The following PIAS4 variants were observed in gnomAD, a reference collection of about 807,000 sequenced individuals.
PIAS4 encodes E3 SUMO-protein ligase PIAS4.
In PIAS4, 7 loss-of-function variants were observed where a neutral mutation model predicts 58.0. The observed-to-expected ratio is 0.12, with a 90% CI of 0.07 to 0.23. PIAS4 has a LOEUF of 0.23. Among genes scored for constraint, PIAS4 ranks in the 10% least tolerant of loss-of-function variants. The probability of loss-of-function intolerance (pLI) is 1.00; values close to 1 mark genes in which losing one functional copy is unlikely to be tolerated. For synonymous variants in PIAS4, 364 were observed against 312.4 expected, an observed-to-expected ratio of 1.17 and a Z score of -1.74; for missense variants, 550 against 709.5, an observed-to-expected ratio of 0.78 and a Z score of 2.55.
intron 2 of PIAS4, among the ~76,000 whole-genome samples, chr19:4,021,182 T>G (rs1025983023): frequency 6.6e-6 from 1 of 152,166 alleles, no homozygotes; most frequent in Non-Finnish European, 1.5e-5. Context: ...ATACAGAGCC[T>G]CACTCTGTCA....
At chr19:4,033,792 T>C (rs1272955952) in intron 9 of PIAS4, among the ~76,000 whole-genome samples, 1 of 152,068 alleles carries the variant, frequency 6.6e-6, no homozygotes, top group Non-Finnish European at 1.5e-5. Context: ...GACAGCCACG[T>C]AGCTTAGGTT....
chr19:4,033,739 G>C (rs2040248176), intron 9 of PIAS4, among the ~76,000 whole-genome samples, 159 bp downstream of exon 9: 1 of 152,172 alleles, frequency 6.6e-6, no homozygotes. Context: ...AAAAGAGCCG[G>C]TTTCTTTCTC....
At chr19:4,035,211 G>A (rs1332614161) in intron 9 of PIAS4, among the ~76,000 whole-genome samples, 1 of 152,096 alleles carries the variant, frequency 6.6e-6, no homozygotes, top group Non-Finnish European at 1.5e-5. Context: ...GGCCCAGAGT[G>A]GGACGAGGGC....
At position 4,013,203 on chromosome 19, in the gene PIAS4, G is replaced by T; in HGVS notation, c.308G>T (p.Gly103Val). ...AGAVPRTPLA[G>V]PNIDYPVLYG... ...GCTGTGCCCAGGACTCCGCTGGCAGGCCCCAATATTGACTACCCCGTGCTC... is the reference window on the plus strand; with the variant it reads ...GCTGTGCCCAGGACTCCGCTGGCAGTCCCCAATATTGACTACCCCGTGCTC... The change falls in exon 2 of 11, where the codon GGC (glycine) becomes GTC (valine). Residue 103 changes from glycine (G) to valine (V), a missense_variant. Gly to Val is a moderately radical substitution (Grantham distance 109). This residue lies in a region of PIAS4 where 95 missense variants were observed against 87.5 expected (regional missense o/e 1.09). Coordinates refer to ENST00000262971, the MANE Select transcript of PIAS4 (RefSeq NM_015897.4). This position sits in a 1 kb window ranked among gnomAD's most constrained non-coding sequence, Gnocchi z 5.1. 1 of 1,613,568 alleles carries T rather than the reference G, an allele frequency of 6.2e-7. No homozygotes were observed. The highest frequency in any genetic ancestry group is 8.5e-7 in the Non-Finnish European group (1 of 1,180,028).
chr19:4,011,200 C>T (rs1317441141), intron 1 of PIAS4, among the ~76,000 whole-genome samples: 2 of 152,204 alleles, frequency 1.3e-5, no homozygotes, highest in African/African-American at 4.8e-5. Flanking sequence ...TTGGTTTCTT[C>T]GGGTACCCGC....
chr19:4,010,087 C>CCTGGCA (rs2039978310), intron 1 of PIAS4, among the ~76,000 whole-genome samples: 2 of 152,218 alleles, frequency 1.3e-5, no homozygotes, highest in South Asian at 4.1e-4. Context: ...GCTGCCGGGG[C>CCTGGCA]CTGGCACTGT....
intron 9 of PIAS4, among the ~76,000 whole-genome samples, chr19:4,036,068 CTGT>C (rs2040278294): frequency 1.4e-5 from 2 of 141,514 alleles, no homozygotes. Context: ...ACAGTCCACA[CTGT>C]CACACATCCG....
rs747145511 is a variant in PIAS4 at position 4,037,623 on chromosome 19, G to T, written c.1281G>T (p.Ser427=). 2.2e-5 allele frequency: 36 copies of T among 1,610,300 alleles called. No individual in the cohort carries two copies. Among genetic ancestry groups the T allele is most frequent in the Non-Finnish European group, 8.5e-7 (1 of 1,179,782 alleles). ...PQGAILVLGP[S]DANGLLPAPS... The stretch of plus-strand genomic sequence containing the variant: ...TGTCCCTGTTGCCCGTAGGCCCCTC[G>T]GACGCCAATGGGCTCCTGCCCGCCC... Residue 427 remains serine (S), a synonymous_variant, in exon 11 of 11, where the codon TCG becomes TCT. Transcript: ENST00000262971. This position sits in a 1 kb window ranked among gnomAD's most constrained non-coding sequence, Gnocchi z 5.8.
rs766122354 is a variant in PIAS4 at position 4,037,105 on chromosome 19, G to A, written c.1143-269G>A. On this transcript the variant is annotated intron_variant, in intron 9 of 10. Transcript: ENST00000262971. This position sits in a 1 kb window ranked among gnomAD's most constrained non-coding sequence, Gnocchi z 5.8. ...GCTGCCACACTCCCTGCTCTTGTGG[G>A]TAGTTGGGGGCCACTGGGTATGTGT... Among the ~76,000 whole-genome samples the A allele has an allele frequency of 6.6e-6, 1 of 151,722 alleles. No individual in the cohort carries two copies. Among genetic ancestry groups the A allele is most frequent in the Non-Finnish European group, 1.5e-5 (1 of 68,044 alleles).
chr19:4,007,787 A>G lies in PIAS4; in HGVS notation c.27A>G (p.Lys9=). MAAELVEA[K]NMVMSFRVSD... is the part of the protein sequence containing the mutation. ...TGGCGGCGGAGCTGGTGGAGGCCAA[A>G]GTGAGTGAGCGGTGGCGGCGCCGGC... Residue 9 remains lysine, a splice_region_variant and synonymous_variant, in exon 1 of 11, where the codon AAA becomes AAG. Transcript: ENST00000262971. 1 of 1,214,194 alleles carries G rather than the reference A, an allele frequency of 8.2e-7. No individual in the cohort carries two copies. Among genetic ancestry groups the G allele is most frequent in the Non-Finnish European group, 1.0e-6 (1 of 970,538 alleles). 75.2% of individuals were successfully genotyped at this position (1,214,194 alleles called of 1,614,324 possible).
chr19:4,033,625 T>C, intron 9 of PIAS4, 45 bp downstream of exon 9: 2 of 1,517,410 alleles, frequency 1.3e-6, no homozygotes, highest in Non-Finnish European at 8.9e-7. Flanking sequence ...CGGACATCCG[T>C]GGAGGTCTCG....
intron 3 of PIAS4, among the ~76,000 whole-genome samples, chr19:4,026,141 CTT>C (rs1210513779): frequency 1.6e-5 from 2 of 121,392 alleles, no homozygotes; most frequent in Non-Finnish European, 1.7e-5. Context: ...TTTTCTTTTT[CTT>C]TTTTTTTTTT....
At position 4,028,778 on chromosome 19, in the gene PIAS4, A is replaced by C. The variant is rs778839305; in HGVS notation, c.731A>C (p.Asn244Thr). Residue 244 changes from asparagine to threonine, a missense_variant, in exon 6 of 11, where the codon AAC becomes ACC. Asn to Thr is a moderately conservative substitution (Grantham distance 65). This residue lies in a region of PIAS4 where 225 missense variants were observed against 345.8 expected (regional missense o/e 0.65). Coordinates refer to ENST00000262971, the MANE Select transcript of PIAS4 (RefSeq NM_015897.4). The stretch of plus-strand genomic sequence containing the variant: ...CCCAAGAGGCCGTGCCGCCCCATCA[A>C]CCTCACCCACCTCATGTACCTGTCC... ...VEPKRPCRPI[N>T]LTHLMYLSSA... is the part of the protein sequence containing the mutation. 2.5e-6 allele frequency: 4 copies of C among 1,613,076 alleles called. No individual in the cohort carries two copies. The highest frequency in any genetic ancestry group is 3.4e-6 in the Non-Finnish European group (4 of 1,179,866).
Position 4,037,225 on chromosome 19 carries a change from G to A in PIAS4, c.1143-149G>A, listed in dbSNP as rs1310741313. 9.8e-7 allele frequency: 1 copy of A among 1,021,490 alleles called. No individual in the cohort carries two copies. Among genetic ancestry groups the A allele is most frequent in the Non-Finnish European group, 1.4e-6 (1 of 719,228 alleles). 63.3% of individuals were successfully genotyped at this position (1,021,490 alleles called of 1,614,324 possible). A position where few individuals can be genotyped will look rare whatever the true frequency, so the allele number is the denominator to read the frequency against. The stretch of plus-strand genomic sequence containing the variant: ...CTGAGGGCGGGGGAGGGAATGCGGG[G>A]TCCCTGGACCCCTGCGGTCGGGGTG... On this transcript the variant is annotated intron_variant, in intron 9 of 10. Transcript: ENST00000262971. The surrounding 1 kb of genome is among the most constrained non-coding windows in gnomAD (Gnocchi z 5.8).
Position 4,037,809 on chromosome 19 carries a change from G to C in PIAS4, c.1467G>C (p.Glu489Asp). 2.5e-6 allele frequency: 4 copies of C among 1,583,926 alleles called. No homozygotes were observed. The highest frequency in any genetic ancestry group is 3.4e-6 in the Non-Finnish European group (4 of 1,165,582). ...EEEEEEEEED[E>D]DEEGPRPKRR... is the part of the protein sequence containing the mutation. ...AGGAGGAAGAGGAGGAGGAAGACGA[G>C]GACGAAGAGGGGCCCCGGCCCAAGC... Residue 489 changes from glutamate to aspartate, a missense_variant, in exon 11 of 11, where the codon GAG (glutamate) becomes GAC (aspartate). By Grantham distance (45) the Glu-to-Asp change is conservative. Around this residue, in one of 4 missense-constraint regions of PIAS4, gnomAD observed 188 missense variants for 192.0 expected, o/e 0.98. Transcript: ENST00000262971. This position sits in a 1 kb window ranked among gnomAD's most constrained non-coding sequence, Gnocchi z 5.8.
chr19:4,021,962 TGGCC>T (rs2040114436), intron 2 of PIAS4, among the ~76,000 whole-genome samples: 1 of 151,964 alleles, frequency 6.6e-6, no homozygotes, highest in African/African-American at 2.4e-5. Context: ...TTGCCCAGGC[TGGCC>T]TCAAACTCCT....
chr19:4,038,596 G>C lies in PIAS4; in HGVS notation c.*721G>C, dbSNP rs1033093374. On this transcript the variant is annotated 3_prime_UTR_variant, in exon 11 of 11. Coordinates refer to ENST00000262971, the MANE Select transcript of PIAS4 (RefSeq NM_015897.4). The surrounding 1 kb of genome is among the most constrained non-coding windows in gnomAD (Gnocchi z 4.1). ...GTCAGGAACCCCCGGGGAAGGCGGGGGCCCAGGGTGCGGCACCGTGTGGCG... is the reference window on the plus strand; with the variant it reads ...GTCAGGAACCCCCGGGGAAGGCGGGCGCCCAGGGTGCGGCACCGTGTGGCG... 12 of 152,330 alleles carry C rather than the reference G, an allele frequency of 7.9e-5. No individual in the cohort carries two copies. Among genetic ancestry groups the C allele is most frequent in the Non-Finnish European group, 1.5e-5 (1 of 68,066 alleles). The allele number at this position is 152,330 out of a possible 1,614,324, so 9.4% of individuals were successfully genotyped here. A position where few individuals can be genotyped will look rare whatever the true frequency, so the allele number is the denominator to read the frequency against.
In PIAS4 at chr19:4,037,492, A is replaced by G; in HGVS notation, c.1261A>G (p.Ile421Val). The change falls in exon 10 of 11, where the codon ATC becomes GTC. Residue 421 changes from isoleucine to valine, a missense_variant. By Grantham distance (29) the Ile-to-Val change is conservative. Transcript: ENST00000262971. This position sits in a 1 kb window ranked among gnomAD's most constrained non-coding sequence, Gnocchi z 5.8. Reference sequence around the variant, plus strand: ...GCGCAGCTGCAGCCCGCAGGGCGCCATCCTCGTGCTGGGTGAGTGCCTCAC... The same window carrying G: ...GCGCAGCTGCAGCCCGCAGGGCGCCGTCCTCGTGCTGGGTGAGTGCCTCAC... ...KERSCSPQGA[I>V]LVLGPSDANG... 1 of 1,610,500 alleles carries G rather than the reference A, an allele frequency of 6.2e-7. No homozygotes were observed. Among genetic ancestry groups the G allele is most frequent in the Non-Finnish European group, 8.5e-7 (1 of 1,179,430 alleles).
chr19:4,037,520 C>G lies in PIAS4; in HGVS notation c.1273+16C>G, dbSNP rs773182983. 6.2e-6 allele frequency: 10 copies of G among 1,609,126 alleles called. No homozygotes were observed. The South Asian group carries it at 1.1e-4, about 18-fold the overall frequency. On this transcript the variant is annotated intron_variant, in intron 10 of 10. Transcript: ENST00000262971. The surrounding 1 kb of genome is among the most constrained non-coding windows in gnomAD (Gnocchi z 5.8). ...CTCGTGCTGGGTGAGTGCCTCACCCCACCAGCCGCGCAGTCCGCAGCCAGG... is the reference window on the plus strand; with the variant it reads ...CTCGTGCTGGGTGAGTGCCTCACCCGACCAGCCGCGCAGTCCGCAGCCAGG...
Sources: allele counts gnomAD v4.1 joint callset (sites outside exome capture counted in the v4.1 genomes callset), GRCh38; gene constraint gnomAD v4.1.1; regional missense constraint gnomAD v4.1.1; non-coding constraint Gnocchi (gnomAD v3.1); transcripts MANE v1.5; gene names NCBI Gene and HGNC (gene_info 2026-07-23, HGNC 2026-07-21).